The following ZMAT4 variants were observed in gnomAD, a reference collection of about 807,000 sequenced individuals.
The protein encoded by ZMAT4 is zinc finger matrin-type protein 4.
ZMAT4 carries 17 observed loss-of-function variants against 28.7 expected under a neutral mutation model. That is an observed-to-expected ratio of 0.59 (90% CI 0.41 to 0.89). The LOEUF (loss-of-function observed/expected upper bound fraction) is 0.89. Among genes scored for constraint, ZMAT4 ranks in the 40% least tolerant of loss-of-function variants. ZMAT4 has a pLI of 0.00. For missense variants in ZMAT4, 240 were observed against 283.8 expected (o/e 0.85, Z 1.11); for synonymous variants, 117 against 109.2 (o/e 1.07, Z -0.44).
intron 3 of ZMAT4, among the ~76,000 whole-genome samples, chr8:40,720,106 G>A (rs1811015866): frequency 6.6e-6 from 1 of 152,300 alleles, no homozygotes; most frequent in South Asian, 2.1e-4. Context: ...ATGAATGTCT[G>A]CAGCTGAACA....
intron 4 of ZMAT4, among the ~76,000 whole-genome samples, chr8:40,683,552 A>G (rs1243202970): frequency 6.6e-6 from 1 of 152,186 alleles, no homozygotes; most frequent in African/African-American, 2.4e-5. Context: ...CTTAGATGCT[A>G]CATTCCTTTT....
At chr8:40,538,345 C>T (rs192023574) in intron 6 of ZMAT4, among the ~76,000 whole-genome samples, 25 of 152,226 alleles carry the variant, frequency 1.6e-4, no homozygotes, top group East Asian at 7.7e-4. Context: ...CTCCGAACCC[C>T]GCTTCTAGTT....
intron 5 of ZMAT4, among the ~76,000 whole-genome samples, chr8:40,654,461 T>C (rs1807828373): frequency 6.6e-6 from 1 of 152,158 alleles, no homozygotes; most frequent in Non-Finnish European, 1.5e-5. Context: ...AAATTCACTA[T>C]AGGTCTGTAT....
At chr8:40,610,274 C>A (rs529662545) in intron 5 of ZMAT4, among the ~76,000 whole-genome samples, 5 of 152,160 alleles carry the variant, frequency 3.3e-5, no homozygotes, top group Non-Finnish European at 7.4e-5. Context: ...AAGACCCAAA[C>A]AAATTTTTTG....
chr8:40,818,547 G>A (rs769285557), intron 2 of ZMAT4, among the ~76,000 whole-genome samples: 1 of 152,204 alleles, frequency 6.6e-6, no homozygotes, highest in Non-Finnish European at 1.5e-5. Flanking sequence ...ATGCCAAGAC[G>A]TTCAAAAATA....
intron 1 of ZMAT4, among the ~76,000 whole-genome samples, chr8:40,872,909 C>A (rs1415769871): frequency 6.6e-6 from 1 of 151,950 alleles, no homozygotes; most frequent in Non-Finnish European, 1.5e-5. Context: ...AAACACAGAC[C>A]ACTAGAGCCG....
At chr8:40,862,597 AAAAG>A (rs199616036) in intron 1 of ZMAT4, among the ~76,000 whole-genome samples, 8,084 of 145,590 alleles carry the variant, frequency 0.056, 246 homozygotes, top group Non-Finnish European at 0.066. Flanking sequence ...AAAAAAAAAA[AAAAG>A]AAAATTTGGC....
At chr8:40,702,585 C>T (rs1810194468) in intron 3 of ZMAT4, among the ~76,000 whole-genome samples, 1 of 152,172 alleles carries the variant, frequency 6.6e-6, no homozygotes, top group Admixed American at 6.5e-5. Flanking sequence ...TCCCCAAACA[C>T]CTTTCCCTTT....
At chr8:40,839,984 A>G (rs1816645759) in intron 1 of ZMAT4, among the ~76,000 whole-genome samples, 1 of 152,222 alleles carries the variant, frequency 6.6e-6, no homozygotes, top group Admixed American at 6.5e-5. Context: ...TTCCCACCAA[A>G]CAAAACTAAG....
intron 6 of ZMAT4, among the ~76,000 whole-genome samples, chr8:40,563,610 A>T (rs991633143): frequency 3.9e-5 from 6 of 152,228 alleles, no homozygotes; most frequent in Non-Finnish European, 8.8e-5. Flanking sequence ...ATGAAAAAAC[A>T]GATAAGAACA....
chr8:40,680,715 C>T (rs1294234961), intron 4 of ZMAT4, among the ~76,000 whole-genome samples: 1 of 151,734 alleles, frequency 6.6e-6, no homozygotes, highest in East Asian at 1.9e-4. Context: ...CACACACACA[C>T]ACACACACAC....
chr8:40,615,901 T>C (rs1805985772), intron 5 of ZMAT4, among the ~76,000 whole-genome samples: 1 of 152,126 alleles, frequency 6.6e-6, no homozygotes, highest in African/African-American at 2.4e-5. Context: ...CTAATTAAAC[T>C]AAAGAGCTTC....
intron 5 of ZMAT4, among the ~76,000 whole-genome samples, chr8:40,582,813 T>C (rs1189710707): frequency 1.3e-5 from 2 of 152,328 alleles, no homozygotes; most frequent in Middle Eastern, 3.4e-3. Context: ...AAGTGATCAA[T>C]ACGGGCTTGC....
chr8:40,779,699 G>A (rs1813751302), intron 2 of ZMAT4, among the ~76,000 whole-genome samples: 1 of 152,126 alleles, frequency 6.6e-6, no homozygotes, highest in African/African-American at 2.4e-5. Context: ...TGCTTCCTAG[G>A]AAAATGGATT....
chr8:40,849,971 G>A (rs963267107), intron 1 of ZMAT4, among the ~76,000 whole-genome samples: 5 of 152,030 alleles, frequency 3.3e-5, no homozygotes, highest in Admixed American at 2.6e-4. Flanking sequence ...ACCTGGGATC[G>A]CTCCTCATCC....
At chr8:40,561,690 C>T (rs1803745136) in intron 6 of ZMAT4, among the ~76,000 whole-genome samples, 2 of 152,170 alleles carry the variant, frequency 1.3e-5, no homozygotes, top group Non-Finnish European at 2.9e-5. Context: ...CAACCCCCAG[C>T]CCACAGGCTG....
At chr8:40,800,562 A>T (rs1442882231) in intron 2 of ZMAT4, among the ~76,000 whole-genome samples, 2 of 152,190 alleles carry the variant, frequency 1.3e-5, no homozygotes, top group Non-Finnish European at 2.9e-5. Flanking sequence ...CAGTTCTCAA[A>T]CCACAGTGGA....
Position 40,746,762 on chromosome 8 carries a change from A to G in ZMAT4, c.192+20879T>C, listed in dbSNP as rs545355006. Among the ~76,000 whole-genome samples the G allele has an allele frequency of 5.3e-5, 8 of 152,270 alleles. No individual in the cohort carries two copies. The East Asian group carries it at 1.5e-3, about 29-fold the overall frequency. On this transcript the variant is annotated intron_variant, in intron 3 of 6. Coordinates refer to ENST00000297737, the MANE Select transcript of ZMAT4 (RefSeq NM_024645.3). ...AACCGCACATGGTCTGGCTCCTACC[A>G]TATTGGTCATGCTAGCCTTTTCTAT...
chr8:40,666,467 T>C (rs968243811), intron 5 of ZMAT4, among the ~76,000 whole-genome samples: 5 of 152,090 alleles, frequency 3.3e-5, no homozygotes, highest in African/African-American at 1.2e-4. Flanking sequence ...AAAAATTTGA[T>C]TTGCTACTTG....
Sources: allele counts gnomAD v4.1 joint callset (sites outside exome capture counted in the v4.1 genomes callset), GRCh38; gene constraint gnomAD v4.1.1; transcripts MANE v1.5; gene names NCBI Gene and HGNC (gene_info 2026-07-23, HGNC 2026-07-21).